The following NEBL variants were observed in gnomAD, a reference collection of about 807,000 sequenced individuals.
NEBL encodes nebulette, also known as LIM and SH3 protein 2.
Under a neutral mutation model 140.2 loss-of-function variants are expected in NEBL, and 122 were observed. The observed-to-expected ratio is 0.87, with a 90% confidence interval of 0.75 to 1.01. The LOEUF (loss-of-function observed/expected upper bound fraction) is 1.01, where lower values mean the gene tolerates loss of function less well. Ranked by LOEUF, NEBL falls within the 50% of genes least tolerant of loss-of-function variation. The probability of loss-of-function intolerance (pLI) is 0.00; values close to 1 mark genes in which losing one functional copy is unlikely to be tolerated. For missense variants in NEBL, 1,365 were observed against 1,231.3 expected, an observed-to-expected ratio of 1.11 and a Z score of -1.62; for synonymous variants, 436 against 398.9, an observed-to-expected ratio of 1.09 and a Z score of -1.11.
At chr10:20,828,947 A>T (rs1187047637) in intron 16 of NEBL, among the ~76,000 whole-genome samples, 1 of 152,154 alleles carries the variant, frequency 6.6e-6, no homozygotes, top group African/African-American at 2.4e-5. Context: ...CTCTCCACTA[A>T]ATGAGCTACT....
chr10:21,251,389 T>C (rs1002931375), intron 2 of NEBL, among the ~76,000 whole-genome samples: 2 of 152,180 alleles, frequency 1.3e-5, no homozygotes, highest in African/African-American at 4.8e-5. Context: ...CAGGTTGTAA[T>C]AGTCTATTTC....
intron 19 of NEBL, 68 bp from the exon 20 acceptor site, chr10:20,819,584 AT>A (rs1278988845): frequency 1.1e-5 from 17 of 1,573,232 alleles, no homozygotes; most frequent in South Asian, 4.4e-5. Flanking sequence ...ATTGCAACAG[AT>A]TTTTTTTAAA....
intron 2 of NEBL, among the ~76,000 whole-genome samples, chr10:21,121,831 T>C (rs141956727): frequency 3.7e-4 from 56 of 152,258 alleles, no homozygotes; most frequent in African/African-American, 1.3e-3. Flanking sequence ...GATACCAAAA[T>C]GAAGTGATAG....
intron 3 of NEBL, among the ~76,000 whole-genome samples, chr10:21,222,606 T>C (rs2132246362): frequency 6.6e-6 from 1 of 152,350 alleles, no homozygotes; most frequent in Non-Finnish European, 1.5e-5. Context: ...TTTTTAATTT[T>C]TGTGGGTACA....
At chr10:21,279,029 G>A (rs1842958369) in intron 1 of NEBL, among the ~76,000 whole-genome samples, 1 of 152,174 alleles carries the variant, frequency 6.6e-6, no homozygotes, top group Admixed American at 6.6e-5. Context: ...CAACAAGCAT[G>A]TCTTATGTGT....
chr10:20,883,041 T>C (rs1846165395), intron 4 of NEBL, among the ~76,000 whole-genome samples: 1 of 152,204 alleles, frequency 6.6e-6, no homozygotes, highest in Admixed American at 6.5e-5. Flanking sequence ...AGTGCTGCAC[T>C]CCTGAACACC....
At position 20,973,371 on chromosome 10, in the gene NEBL, C is replaced by T. The variant is rs967145624; in HGVS notation, c.250-11592G>A. On this transcript the variant is annotated intron_variant, in intron 3 of 6. Coordinates refer to the NEBL transcript ENST00000417816. ...CAAGCAATCCTCCCACCTCAGCCCC[C>T]GGCATAGCTAGGACTTTGGGCATGA... Among the ~76,000 whole-genome samples the T allele has an allele frequency of 1.3e-4, 19 of 151,860 alleles. No homozygotes were observed. The East Asian group carries it at 2.9e-3, about 23-fold the overall frequency.
chr10:21,069,998 A>G (rs2131900884), intron 2 of NEBL: 3 of 456,236 alleles, frequency 6.6e-6, no homozygotes, highest in South Asian at 3.1e-5. Context: ...GCAGCCACTC[A>G]TAATAGAAAT....
intron 7 of NEBL, among the ~76,000 whole-genome samples, chr10:20,866,265 C>T (rs1844280740): frequency 6.6e-6 from 1 of 152,024 alleles, no homozygotes; most frequent in Admixed American, 6.6e-5. Context: ...TTCACTTTTA[C>T]AGGATGAAAA....
chr10:21,120,972 G>A (rs538403665), intron 2 of NEBL, among the ~76,000 whole-genome samples: 1 of 152,154 alleles, frequency 6.6e-6, no homozygotes, highest in East Asian at 1.9e-4. Flanking sequence ...GGATCTAAAG[G>A]AACTACATTT....
At chr10:21,284,205 G>A (rs1451638053) in intron 1 of NEBL, among the ~76,000 whole-genome samples, 1 of 83,890 alleles carries the variant, frequency 1.2e-5, no homozygotes, top group African/African-American at 5.4e-5. Flanking sequence ...GCAAGACTCC[G>A]TCTCCAAAAA....
rs76424622 is a variant in NEBL, at chr10:21,045,035, G to A, written c.165-24834C>T. Among the ~76,000 whole-genome samples the A allele has an allele frequency of 6.5e-3, 987 of 152,266 alleles. 10 individuals carry two copies. Among genetic ancestry groups the A allele is most frequent in the African/African-American group, 0.019 (773 of 41,560 alleles). On this transcript the variant is annotated intron_variant, in intron 2 of 6. Transcript: ENST00000417816. ...CATTCTCAGAAGAACGTTAATTATA[G>A]ACTATTTTGCTAAAATGAAAATTCA...
chr10:20,831,516 A>G lies in NEBL; in HGVS notation c.1517T>C (p.Leu506Pro). ...GKGMQVSTDT[L>P]DVQRAKKASE... ...TGCTTTCTTAGCTCTCTGGACATCAAGAGTGTCTGTGCTCACCTGCATCCC... is the reference window on the plus strand; with the variant it reads ...TGCTTTCTTAGCTCTCTGGACATCAGGAGTGTCTGTGCTCACCTGCATCCC... The change falls in exon 15 of 28, where the codon CTT (leucine) becomes CCT (proline). Residue 506 changes from leucine (L) to proline (P), a missense_variant. Leu to Pro is a moderately conservative substitution (Grantham distance 98). Around this residue, in one of 2 missense-constraint regions of NEBL, gnomAD observed 1,323 missense variants for 1,154.8 expected, o/e 1.15. Coordinates refer to ENST00000377122, the MANE Select transcript of NEBL (RefSeq NM_006393.3). 6.2e-7 allele frequency: 1 copy of G among 1,612,532 alleles called. No individual in the cohort carries two copies. Among genetic ancestry groups the G allele is most frequent in the Non-Finnish European group, 8.5e-7 (1 of 1,179,416 alleles).
At chr10:21,271,518 A>G (rs1842859900) in intron 1 of NEBL, among the ~76,000 whole-genome samples, 12 of 152,030 alleles carry the variant, frequency 7.9e-5, no homozygotes, top group Admixed American at 7.9e-4. Flanking sequence ...AGAGAATAGT[A>G]AACAGATCTT....
intron 3 of NEBL, among the ~76,000 whole-genome samples, chr10:21,236,046 T>C (rs1468197116): frequency 6.6e-6 from 1 of 152,208 alleles, no homozygotes; most frequent in Admixed American, 6.5e-5. Flanking sequence ...ATAACCCCCG[T>C]AGTCTTTATT....
intron 3 of NEBL, among the ~76,000 whole-genome samples, chr10:21,203,494 T>C (rs543409338): frequency 8.3e-4 from 126 of 152,270 alleles, no homozygotes; most frequent in African/African-American, 2.9e-3. Context: ...AGTCTAAGAG[T>C]GGCCAGCAGA....
intron 3 of NEBL, among the ~76,000 whole-genome samples, chr10:20,969,272 G>A (rs1589089601): frequency 1.3e-5 from 2 of 151,122 alleles, no homozygotes; most frequent in African/African-American, 4.8e-5. Flanking sequence ...GTAAATCTAT[G>A]GTTAATTAAA....
At chr10:20,793,341 A>G (rs1836182065) in intron 26 of NEBL, 1 of 974,154 alleles carries the variant, frequency 1.0e-6, no homozygotes. Context: ...ACTGTTTTAT[A>G]TGTTAAATCT....
rs558941892 is a variant in NEBL, at chr10:20,888,305, G to A, written c.259-98C>T. The stretch of plus-strand genomic sequence containing the variant: ...AAAGAAGAAACTTTCTCCCAAAACA[G>A]AATTGATTTTAAAATCTGCAGACCA... On this transcript the variant is annotated intron_variant, in intron 3 of 27. Transcript: ENST00000377122. 30 of 767,674 alleles carry A rather than the reference G, an allele frequency of 3.9e-5. No homozygotes were observed. In the African/African-American group the frequency reaches 3.9e-4, roughly 10 times the overall value. The allele number at this position is 767,674 out of a possible 1,614,324, so 47.6% of individuals were successfully genotyped here.
Sources: gnomAD v4.1 joint callset for allele counts (sites outside exome capture counted in the v4.1 genomes callset) on GRCh38, gnomAD v4.1.1 for gene constraint, gnomAD v4.1.1 regional missense constraint, MANE v1.5 for transcripts, NCBI Gene and HGNC (gene_info 2026-07-23, HGNC 2026-07-21) for gene names.